GXYLT2: variants seen among roughly 807,000 people sequenced by gnomAD.
GXYLT2 encodes the protein glycosyltransferase 8 domain containing 4.
In GXYLT2, 53 loss-of-function variants were observed where a neutral mutation model predicts 45.8. The observed-to-expected ratio is 1.16, with a 90% CI of 0.93 to 1.46. The LOEUF is 1.46. Ranked by LOEUF, GXYLT2 falls within the 40% of genes most tolerant of loss-of-function variation. GXYLT2 has a pLI of 0.00. For synonymous variants in GXYLT2, 219 were observed against 214.2 expected, an observed-to-expected ratio of 1.02 and a Z score of -0.19; for missense variants, 551 against 544.4, an observed-to-expected ratio of 1.01 and a Z score of -0.12.
chr3:72,921,487 C>T (rs1709832711), intron 2 of GXYLT2, among the ~76,000 whole-genome samples: 1 of 152,056 alleles, frequency 6.6e-6, no homozygotes, highest in African/African-American at 2.4e-5. Flanking sequence ...GGCTGGAGTA[C>T]TGTGGCACGA....
chr3:72,914,755 G>A (rs1575786098), intron 2 of GXYLT2, among the ~76,000 whole-genome samples: 1 of 132,572 alleles, frequency 7.5e-6, no homozygotes, highest in Non-Finnish European at 1.5e-5. Flanking sequence ...CTAACAGATT[G>A]AAAAGATACC....
At chr3:72,970,626 G>A (rs1298407021) in intron 6 of GXYLT2, among the ~76,000 whole-genome samples, 2 of 152,134 alleles carry the variant, frequency 1.3e-5, no homozygotes, top group Non-Finnish European at 2.9e-5. Context: ...TTGGGAGGCC[G>A]AGGTGGGTGG....
chr3:72,915,354 T>TGG (rs1559732646), intron 2 of GXYLT2, among the ~76,000 whole-genome samples: 19 of 33,470 alleles, frequency 5.7e-4, no homozygotes, highest in East Asian at 1.1e-3. Flanking sequence ...TTTTTTTTTT[T>TGG]GCGGGGGGGG....
chr3:72,915,077 C>T (rs755292295), intron 2 of GXYLT2, among the ~76,000 whole-genome samples: 50 of 151,826 alleles, frequency 3.3e-4, no homozygotes, highest in Non-Finnish European at 6.3e-4. Flanking sequence ...CGCTTGAACC[C>T]GGGAGTGGAG....
intron 1 of GXYLT2, among the ~76,000 whole-genome samples, chr3:72,905,561 A>G (rs1311047018): frequency 6.6e-6 from 1 of 152,014 alleles, no homozygotes; most frequent in Non-Finnish European, 1.5e-5. Flanking sequence ...CCTATTTTTC[A>G]TTTTCAATAA....
At chr3:72,968,787 C>T (rs757728996) in intron 6 of GXYLT2, among the ~76,000 whole-genome samples, 4 of 151,714 alleles carry the variant, frequency 2.6e-5, no homozygotes, top group East Asian at 1.9e-4. Flanking sequence ...TTAGGCTTGG[C>T]GCAGTGGCTC....
chr3:72,959,831 C>T (rs747783896), intron 5 of GXYLT2, among the ~76,000 whole-genome samples: 4 of 152,000 alleles, frequency 2.6e-5, no homozygotes, highest in East Asian at 1.9e-4. Flanking sequence ...GACAGGGTTT[C>T]GCCATGTTGG....
intron 3 of GXYLT2, among the ~76,000 whole-genome samples, chr3:72,941,664 T>A (rs574242917): frequency 6.6e-6 from 1 of 152,030 alleles, no homozygotes; most frequent in Non-Finnish European, 1.5e-5. Context: ...CACACACACA[T>A]ACACACATGC....
intron 3 of GXYLT2, among the ~76,000 whole-genome samples, chr3:72,954,141 G>A (rs1710578448): frequency 6.6e-6 from 1 of 151,976 alleles, no homozygotes; most frequent in Admixed American, 6.6e-5. Flanking sequence ...GTCTTGCTCT[G>A]TTGCCAGGCT....
chr3:72,923,212 G>A (rs569506858), intron 3 of GXYLT2, among the ~76,000 whole-genome samples: 16 of 151,994 alleles, frequency 1.1e-4, no homozygotes, highest in African/African-American at 3.1e-4. Context: ...CCAAGATCAC[G>A]CCACTGCACT....
At chr3:72,959,146 C>CTTGCTCTG (rs1710716799) in intron 5 of GXYLT2, among the ~76,000 whole-genome samples, 1 of 101,870 alleles carries the variant, frequency 9.8e-6, no homozygotes, top group Admixed American at 1.5e-4. Flanking sequence ...GAGAGGGAGT[C>CTTGCTCTG]TTGCTCTGTC....
chr3:72,954,159 A>G (rs894714914), intron 3 of GXYLT2, among the ~76,000 whole-genome samples: 1 of 151,482 alleles, frequency 6.6e-6, no homozygotes, highest in Non-Finnish European at 1.5e-5. Context: ...GCTAGAGTGT[A>G]GTGGTGCTAT....
At chr3:72,893,256 T>C (rs11918615) in intron 1 of GXYLT2, among the ~76,000 whole-genome samples, 61,790 of 152,006 alleles carry the variant, frequency 0.41, 13,980 homozygotes, top group African/African-American at 0.59. Context: ...CCTACCACTC[T>C]CCATTCACTT....
At chr3:72,963,842 T>G (rs1474588281) in intron 5 of GXYLT2, among the ~76,000 whole-genome samples, 3 of 151,966 alleles carry the variant, frequency 2.0e-5, no homozygotes, top group African/African-American at 7.2e-5. Flanking sequence ...CCAGCTAATT[T>G]TTTTGTATTT....
At chr3:72,914,076 T>C (rs959256909) in intron 2 of GXYLT2, among the ~76,000 whole-genome samples, 1 of 151,596 alleles carries the variant, frequency 6.6e-6, no homozygotes, top group Non-Finnish European at 1.5e-5. Context: ...CAACCCAGGG[T>C]TTTTTTTGGG....
intron 5 of GXYLT2, among the ~76,000 whole-genome samples, chr3:72,964,864 G>C (rs1710836187): frequency 6.6e-6 from 1 of 152,218 alleles, no homozygotes; most frequent in South Asian, 2.1e-4. Context: ...GTAAATGCTT[G>C]GGTGAGCATC....
chr3:72,898,177 A>AT (rs1709330643), intron 1 of GXYLT2, among the ~76,000 whole-genome samples: 2 of 152,326 alleles, frequency 1.3e-5, no homozygotes, highest in Non-Finnish European at 2.9e-5. Context: ...ATAAATTACC[A>AT]TAAAAATTAA....
At chr3:72,930,464 T>C (rs1339394384) in intron 3 of GXYLT2, among the ~76,000 whole-genome samples, 1 of 148,120 alleles carries the variant, frequency 6.8e-6, no homozygotes, top group Non-Finnish European at 1.5e-5. Flanking sequence ...ATCATGCCAC[T>C]GCACTCCAGC....
intron 2 of GXYLT2, among the ~76,000 whole-genome samples, chr3:72,908,987 A>C (rs933606402): frequency 1.3e-5 from 2 of 151,578 alleles, no homozygotes; most frequent in African/African-American, 4.9e-5. Context: ...TGGCCTCCCA[A>C]AGTGCTGGGG....
Sources: gnomAD v4.1 joint callset for allele counts (sites outside exome capture counted in the v4.1 genomes callset) on GRCh38, gnomAD v4.1.1 for gene constraint, MANE v1.5 for transcripts, NCBI Gene and HGNC (gene_info 2026-07-23, HGNC 2026-07-21) for gene names.